SLC47A2: variants seen among roughly 807,000 people sequenced by gnomAD.
SLC47A2 encodes the protein multidrug and toxin extrusion protein 2.
In SLC47A2, 52 loss-of-function variants were observed where a neutral mutation model predicts 67.7. The observed-to-expected ratio is 0.77, with a 90% CI of 0.61 to 0.97. The LOEUF (loss-of-function observed/expected upper bound fraction) is 0.97. Among genes scored for constraint, SLC47A2 ranks in the 50% least tolerant of loss-of-function variants. The probability of loss-of-function intolerance (pLI) is 0.00; values close to 1 mark genes in which losing one functional copy is unlikely to be tolerated. For synonymous variants in SLC47A2, 278 were observed against 292.9 expected (o/e 0.95, Z 0.52); for missense variants, 676 against 712.3 (o/e 0.95, Z 0.58).
intron 13 of SLC47A2, chr17:19,702,090 C>T: frequency 1.0e-6 from 1 of 977,278 alleles, no homozygotes; most frequent in South Asian, 4.7e-5. Context: ...GCCTGGGTGA[C>T]AAAGCGAGAC....
At chr17:19,705,740 A>C (rs1430240540) in intron 9 of SLC47A2, among the ~76,000 whole-genome samples, 2 of 152,128 alleles carry the variant, frequency 1.3e-5, no homozygotes, top group East Asian at 3.9e-4. Flanking sequence ...CTGGGACTAC[A>C]GGTGGTGCCA....
upstream of SLC47A2, chr17:19,716,724 G>T: frequency 9.7e-7 from 1 of 1,026,882 alleles, no homozygotes; most frequent in Non-Finnish European, 1.4e-6. Flanking sequence ...CTGCCTCCTA[G>T]GGCACTGAGT....
intron 13 of SLC47A2, among the ~76,000 whole-genome samples, chr17:19,683,552 G>A (rs112086579): frequency 9.2e-5 from 14 of 152,284 alleles, no homozygotes; most frequent in Non-Finnish European, 1.8e-4. Context: ...GGAGGTACTG[G>A]TAAGTTCTCT....
At chr17:19,690,701 A>G (rs1244085209) in intron 13 of SLC47A2, among the ~76,000 whole-genome samples, 1 of 152,334 alleles carries the variant, frequency 6.6e-6, no homozygotes, top group South Asian at 2.1e-4. Context: ...AAAGATGCCC[A>G]ACATCACTGA....
chr17:19,704,515 A>T, intron 10 of SLC47A2: 1 of 903,906 alleles, frequency 1.1e-6, no homozygotes, highest in Admixed American at 2.9e-5. Context: ...TTAGTCCCAG[A>T]AAAGCTCCCT....
chr17:19,700,763 C>CAAA (rs67005913), intron 13 of SLC47A2, among the ~76,000 whole-genome samples: 5 of 86,450 alleles, frequency 5.8e-5, no homozygotes, highest in African/African-American at 2.6e-4. Context: ...AGACCTGTCT[C>CAAA]AAAAAAAAAA....
chr17:19,715,218 C>G lies in SLC47A2; in HGVS notation c.124-1G>C. On this transcript the variant is annotated splice_acceptor_variant, in intron 1 of 16. Transcript: ENST00000433844. LOFTEE classifies it high-confidence loss of function. The stretch of plus-strand genomic sequence containing the variant: ...TAAAAGTCAGCACCTGGAACAGGAA[C>G]TGGAGGACAGCGGCCAGGTCAGACT... 2.5e-6 allele frequency: 4 copies of G among 1,608,644 alleles called. No homozygotes were observed. Among genetic ancestry groups the G allele is most frequent in the Non-Finnish European group, 3.4e-6 (4 of 1,179,928 alleles).
chr17:19,716,979 G>A (rs948416312), upstream of SLC47A2: 7 of 163,452 alleles, frequency 4.3e-5, no homozygotes, highest in East Asian at 1.8e-4. Context: ...AGTGACTCCC[G>A]TTTTTCAGAA....
chr17:19,707,442 G>A (rs756417806), intron 8 of SLC47A2, among the ~76,000 whole-genome samples: 4 of 152,186 alleles, frequency 2.6e-5, no homozygotes, highest in East Asian at 1.9e-4. Context: ...CACTGCTGAC[G>A]CCTGGTATTC....
intron 10 of SLC47A2, chr17:19,704,758 G>A (rs1021826952): frequency 3.9e-5 from 56 of 1,429,756 alleles, no homozygotes; most frequent in African/African-American, 8.6e-5. Flanking sequence ...TGCTGGGGAC[G>A]CTGTCACCCA....
chr17:19,708,815 T>C lies in SLC47A2; in HGVS notation c.487-55A>G. ...ACAATAATGACCAAAACTCACCAAA[T>C]GAGCATTAACAGACATTCCTTTCCA... On this transcript the variant is annotated intron_variant, in intron 5 of 16. Coordinates refer to ENST00000433844, the MANE Select transcript of SLC47A2 (RefSeq NM_001099646.3). 3.1e-6 allele frequency: 5 copies of C among 1,594,756 alleles called. No individual in the cohort carries two copies. In the Middle Eastern group the frequency reaches 8.3e-4, roughly 265 times the overall value.
At position 19,678,814 on chromosome 17, in the gene SLC47A2, C is replaced by T. The variant is rs113234335; in HGVS notation, c.1573G>A (p.Ala525Thr). The T allele has an allele frequency of 7.4e-6, 12 of 1,613,940 alleles. No homozygotes were observed. The highest frequency in any genetic ancestry group is 5.0e-5 in the Admixed American group (3 of 59,994). Reference sequence around the variant, plus strand: ...AGTCTGCTGGTAGGAGCTGAAAGGGCGTGGGCCTCCTCTGGAGTCCTGAAG... The same window carrying T: ...AGTCTGCTGGTAGGAGCTGAAAGGGTGTGGGCCTCCTCTGGAGTCCTGAAG... ...DFFRTPEEAH[A>T]LSAPTSRLSV... The change falls in exon 17 of 17, where the codon GCC becomes ACC. Residue 525 changes from alanine (A) to threonine (T), a missense_variant. Physicochemically the swap from Ala to Thr is moderately conservative, Grantham distance 58 (BLOSUM62 0). Coordinates refer to ENST00000433844, the MANE Select transcript of SLC47A2 (RefSeq NM_001099646.3).
intron 13 of SLC47A2, among the ~76,000 whole-genome samples, chr17:19,690,746 A>C (rs1054565323): frequency 1.3e-5 from 2 of 152,216 alleles, no homozygotes; most frequent in African/African-American, 4.8e-5. Context: ...CTACAATGAG[A>C]TATCATCTCA....
intron 13 of SLC47A2, 90 bp downstream of exon 13, chr17:19,702,515 C>T (rs1450088857): frequency 7.0e-6 from 11 of 1,568,880 alleles, no homozygotes; most frequent in Admixed American, 1.9e-5. Context: ...TTAACAAGTT[C>T]ATCCTCACAG....
intron 13 of SLC47A2, among the ~76,000 whole-genome samples, chr17:19,688,577 TATC>T (rs889431037): frequency 2.3e-4 from 35 of 152,308 alleles, no homozygotes; most frequent in African/African-American, 8.4e-4. Flanking sequence ...TCGCAGGTGA[TATC>T]ATCTTTTTTG....
intron 13 of SLC47A2, among the ~76,000 whole-genome samples, chr17:19,694,175 T>G (rs2085607143): frequency 6.6e-6 from 1 of 152,190 alleles, no homozygotes; most frequent in African/African-American, 2.4e-5. Context: ...GGCCTCAATA[T>G]TGTTAAGATG....
At chr17:19,679,414 C>A (rs2085263654) in intron 16 of SLC47A2, among the ~76,000 whole-genome samples, 1 of 152,212 alleles carries the variant, frequency 6.6e-6, no homozygotes, top group Non-Finnish European at 1.5e-5. Flanking sequence ...GCCATCACTT[C>A]ATGACATGGA....
At chr17:19,702,438 A>G (rs746301359) in intron 13 of SLC47A2, 167 bp downstream of exon 13, 16 of 985,462 alleles carry the variant, frequency 1.6e-5, no homozygotes, top group Non-Finnish European at 1.9e-5. Context: ...CACTGTTTGA[A>G]ATAAGAATGG....
chr17:19,702,281 C>A (rs2085805506), intron 13 of SLC47A2: 1 of 985,132 alleles, frequency 1.0e-6, no homozygotes, highest in Non-Finnish European at 1.2e-6. Context: ...TCCTGGCCAG[C>A]CTGGGGCACA....
Sources: allele counts gnomAD v4.1 joint callset (sites outside exome capture counted in the v4.1 genomes callset), GRCh38; gene constraint gnomAD v4.1.1; transcripts MANE v1.5; gene names NCBI Gene and HGNC (gene_info 2026-07-23, HGNC 2026-07-21).